The following CLVS1 variants were observed in gnomAD, a reference collection of about 807,000 sequenced individuals.
CLVS1 encodes the protein clavesin-1.
A neutral mutation model predicts 33.1 loss-of-function variants in CLVS1; 10 were observed. The ratio of observed to expected loss-of-function variants is 0.30; its 90% confidence interval spans 0.19 to 0.51. CLVS1 has a LOEUF of 0.51. CLVS1 is among the 20% of genes least tolerant of loss of function. The pLI, the probability that CLVS1 is intolerant of heterozygous loss-of-function variation, is 0.97. For synonymous variants in CLVS1, 163 were observed against 166.1 expected (o/e 0.98, Z 0.14); for missense variants, 343 against 433.4 (o/e 0.79, Z 1.85).
upstream of CLVS1, among the ~76,000 whole-genome samples, chr8:61,052,255 A>C (rs1236840711): frequency 6.6e-6 from 1 of 152,260 alleles, no homozygotes; most frequent in Admixed American, 6.5e-5. Flanking sequence ...GGGAAATAGA[A>C]GAGGACCAAA....
intron 2 of CLVS1, among the ~76,000 whole-genome samples, chr8:61,264,301 G>T (rs1163203045): frequency 1.3e-5 from 2 of 151,978 alleles, no homozygotes; most frequent in Admixed American, 6.6e-5. Flanking sequence ...TGAGTTTAAC[G>T]ATATGAAATG....
intron 2 of CLVS1, among the ~76,000 whole-genome samples, chr8:61,358,440 C>T (rs1812834486): frequency 6.6e-6 from 1 of 152,124 alleles, no homozygotes; most frequent in African/African-American, 2.4e-5. Flanking sequence ...CAGGCTTAGT[C>T]GATTTTATTC....
intron 2 of CLVS1, chr8:61,203,034 G>A: frequency 3.0e-6 from 4 of 1,319,354 alleles, no homozygotes; most frequent in South Asian, 1.2e-5. Flanking sequence ...TCAAAAAACA[G>A]GAAAAAAACT....
At chr8:61,252,720 T>A (rs1402754210) in intron 2 of CLVS1, among the ~76,000 whole-genome samples, 3 of 152,234 alleles carry the variant, frequency 2.0e-5, no homozygotes, top group African/African-American at 7.2e-5. Flanking sequence ...GCCTGTTTTA[T>A]CAGAGATTAC....
intron 4 of CLVS1, among the ~76,000 whole-genome samples, chr8:61,457,706 T>C (rs1817217506): frequency 6.6e-6 from 1 of 152,078 alleles, no homozygotes; most frequent in Non-Finnish European, 1.5e-5. Context: ...AAACACCAAC[T>C]TTTTCTCTAG....
intron 2 of CLVS1, among the ~76,000 whole-genome samples, chr8:61,340,723 GGTAGT>G (rs1487186935): frequency 6.6e-6 from 1 of 152,090 alleles, no homozygotes; most frequent in Non-Finnish European, 1.5e-5. Context: ...TGGGTCATGT[GGTAGT>G]TCTATTTTTA....
At chr8:61,147,635 T>A (rs1806446185) in intron 2 of CLVS1, among the ~76,000 whole-genome samples, 1 of 152,152 alleles carries the variant, frequency 6.6e-6, no homozygotes, top group Non-Finnish European at 1.5e-5. Context: ...AAAACAAAAG[T>A]AACATAGGAA....
At position 61,308,602 on chromosome 8, in the gene CLVS1, G is replaced by A. The variant is rs114553367; in HGVS notation, c.455+8320G>A. On this transcript the variant is annotated intron_variant, in intron 2 of 5. Transcript: ENST00000325897. ...TGAAATGCTTAGCATCCCCTCTTCC[G>A]GGCACTGTGATAACCCAGAAGACCT... 1.5e-3 allele frequency among the ~76,000 whole-genome samples: 222 copies of A among 152,144 alleles called. 2 individuals carry two copies. The highest frequency in any genetic ancestry group is 4.1e-3 in the African/African-American group (169 of 41,496).
the CLVS1 span, among the ~76,000 whole-genome samples, chr8:60,983,271 G>A: frequency 6.6e-6 from 1 of 152,258 alleles, no homozygotes; most frequent in Non-Finnish European, 1.5e-5. Flanking sequence ...TACCAACTGC[G>A]ATTTCAGAGG....
intron 3 of CLVS1, among the ~76,000 whole-genome samples, chr8:61,395,575 TA>T (rs1157332330): frequency 6.6e-6 from 1 of 152,148 alleles, no homozygotes; most frequent in Admixed American, 6.5e-5. Context: ...ACCCCATAAA[TA>T]TACACAATTA....
At chr8:61,410,116 G>C (rs1208939581) in intron 3 of CLVS1, among the ~76,000 whole-genome samples, 1 of 74,690 alleles carries the variant, frequency 1.3e-5, no homozygotes, top group Non-Finnish European at 2.8e-5. Flanking sequence ...AGGATATTTT[G>C]TTGTAGTATT....
chr8:61,199,294 G>A (rs534273038), intron 2 of CLVS1, among the ~76,000 whole-genome samples: 1 of 152,128 alleles, frequency 6.6e-6, no homozygotes, highest in African/African-American at 2.4e-5. Context: ...CACAGCAGAA[G>A]AAATAATCAA....
At chr8:61,398,114 C>T (rs1444686078) in intron 3 of CLVS1, among the ~76,000 whole-genome samples, 1 of 149,368 alleles carries the variant, frequency 6.7e-6, no homozygotes, top group Non-Finnish European at 1.5e-5. Context: ...AATATTAAGT[C>T]TTTCCATTTA....
At chr8:61,310,285 G>A (rs112439033) in intron 2 of CLVS1, among the ~76,000 whole-genome samples, 2,071 of 152,326 alleles carry the variant, frequency 0.014, 30 homozygotes, top group African/African-American at 0.045. Context: ...AGTGCTTACT[G>A]AGGCAGTAAT....
At chr8:61,187,117 C>G (rs965194167) in intron 2 of CLVS1, among the ~76,000 whole-genome samples, 22 of 130,836 alleles carry the variant, frequency 1.7e-4, no homozygotes, top group African/African-American at 5.6e-4. Context: ...CAAACATTTT[C>G]CAAGGCATTG....
chr8:61,251,555 G>T lies in CLVS1; in HGVS notation c.-151-48122G>T, dbSNP rs1164042480. Among the ~76,000 whole-genome samples the T allele has an allele frequency of 2.6e-5, 4 of 152,096 alleles. No individual in the cohort carries two copies. In the East Asian group the frequency reaches 7.7e-4, roughly 29 times the overall value. On this transcript the variant is annotated intron_variant, in intron 2 of 2. Transcript: ENST00000522621. ...ATCTGTCTGGTCCTGGGCTTTTTTTGGTTGGTAGGCTATTAATTACTGCCT... is the reference window on the plus strand; with the variant it reads ...ATCTGTCTGGTCCTGGGCTTTTTTTTGTTGGTAGGCTATTAATTACTGCCT...
At chr8:61,062,350 C>T (rs1357092502) in intron 1 of CLVS1, among the ~76,000 whole-genome samples, 2 of 152,206 alleles carry the variant, frequency 1.3e-5, no homozygotes, top group Non-Finnish European at 2.9e-5. Context: ...ACACCCAAAG[C>T]CAGGCGTAGA....
At chr8:60,986,116 C>T in the CLVS1 span, among the ~76,000 whole-genome samples, 31 of 152,208 alleles carry the variant, frequency 2.0e-4, no homozygotes, top group African/African-American at 5.1e-4. Context: ...ACTTGGAAGA[C>T]GATTGTAGAT....
rs1193732157 is a variant in CLVS1, at chr8:61,300,133, G to A, written c.306G>A (p.Gln102=). 7 of 1,613,890 alleles carry A rather than the reference G, an allele frequency of 4.3e-6. No homozygotes were observed. Among genetic ancestry groups the A allele is most frequent in the Non-Finnish European group, 5.9e-6 (7 of 1,179,964 alleles). The change falls in exon 2 of 6, where the codon CAG becomes CAA. Residue 102 remains glutamine (Q), a synonymous_variant. Coordinates refer to ENST00000325897, the MANE Select transcript of CLVS1 (RefSeq NM_173519.3). ...TGGCTCAGTATTTCCAGTACCGCCA[G>A]CTAAACCTGGACATGTTCAAAAACT... ...RLLAQYFQYR[Q]LNLDMFKNFK... is the part of the protein sequence containing the mutation.
Sources: gnomAD v4.1 joint callset for allele counts (sites outside exome capture counted in the v4.1 genomes callset) on GRCh38, gnomAD v4.1.1 for gene constraint, MANE v1.5 for transcripts, NCBI Gene and HGNC (gene_info 2026-07-23, HGNC 2026-07-21) for gene names.